PARP15: variants seen among roughly 807,000 people sequenced by gnomAD.
PARP15 encodes poly(ADP-ribose) polymerase family member 15, also known as protein mono-ADP-ribosyltransferase PARP15.
In PARP15, 50 loss-of-function variants were observed where a neutral mutation model predicts 62.1. The observed-to-expected ratio is 0.81, with a 90% CI of 0.64 to 1.02. The LOEUF is 1.02. PARP15 is among the 50% of genes least tolerant of loss of function. PARP15 has a pLI of 0.00. For missense variants in PARP15, 820 were observed against 826.5 expected (o/e 0.99, Z 0.10); for synonymous variants, 309 against 293.1 (o/e 1.05, Z -0.55).
At chr3:122,603,845 T>G (rs1325649660) in intron 1 of PARP15, among the ~76,000 whole-genome samples, 3 of 152,046 alleles carry the variant, frequency 2.0e-5, no homozygotes, top group Non-Finnish European at 4.4e-5. Context: ...GACTGAAAAA[T>G]AATCAAAGAC....
intron 8 of PARP15, among the ~76,000 whole-genome samples, chr3:122,624,804 T>C (rs1400450949): frequency 6.6e-6 from 1 of 152,174 alleles, no homozygotes; most frequent in Non-Finnish European, 1.5e-5. Context: ...TGTGGTTTCT[T>C]TTCTGATTCT....
At chr3:122,601,010 C>T (rs1934742349) in intron 1 of PARP15, among the ~76,000 whole-genome samples, 1 of 133,844 alleles carries the variant, frequency 7.5e-6, no homozygotes, top group Non-Finnish European at 1.5e-5. Context: ...TTGTATAGTT[C>T]CATTGGTTTT....
At chr3:122,602,574 C>G (rs759635795) in intron 1 of PARP15, among the ~76,000 whole-genome samples, 1 of 152,154 alleles carries the variant, frequency 6.6e-6, no homozygotes, top group African/African-American at 2.4e-5. Flanking sequence ...GGAATCTGAC[C>G]TAATTTTATG....
At chr3:122,629,906 T>C (rs1936965648) in intron 9 of PARP15, among the ~76,000 whole-genome samples, 1 of 151,954 alleles carries the variant, frequency 6.6e-6, no homozygotes, top group Admixed American at 6.5e-5. Flanking sequence ...AGAGCTCAGG[T>C]GGTAATGTGA....
chr3:122,628,348 C>A (rs140815209), intron 9 of PARP15, among the ~76,000 whole-genome samples: 6 of 152,066 alleles, frequency 3.9e-5, no homozygotes, highest in African/African-American at 1.4e-4. Flanking sequence ...GGTCACCATC[C>A]GAAGCAATGG....
intron 1 of PARP15, among the ~76,000 whole-genome samples, chr3:122,579,766 G>C (rs937751246): frequency 2.0e-5 from 3 of 151,776 alleles, no homozygotes; most frequent in Non-Finnish European, 4.4e-5. Flanking sequence ...ATCACTTGAG[G>C]TCAGGAGTTC....
chr3:122,631,981 A>G (rs1451281794), intron 9 of PARP15, 105 bp from the exon 10 acceptor site: 2 of 1,293,484 alleles, frequency 1.5e-6, no homozygotes, highest in African/African-American at 3.0e-5. Context: ...CTTCTCCTTT[A>G]AAGACCAGGT....
chr3:122,624,210 T>A (rs1296302476), intron 8 of PARP15, among the ~76,000 whole-genome samples: 1 of 151,998 alleles, frequency 6.6e-6, no homozygotes, highest in African/African-American at 2.4e-5. Flanking sequence ...CTATTTTGAG[T>A]ACCACTAAAC....
rs1937346565 is a variant in PARP15 at position 122,635,991 on chromosome 3, C to G, written c.1928C>G (p.Pro643Arg). The change falls in exon 12 of 12, where the codon CCC (proline) becomes CGC (arginine). Residue 643 changes from proline (P) to arginine (R), a missense_variant. Pro to Arg is a moderately radical substitution (Grantham distance 103). Transcript: ENST00000464300. ...CCTCCACCCAAGAATCCTCACAATC[C>G]CACAGATCTCTTTGACTCAGTGACA... The part of the protein sequence containing the change: ...VTPPPKNPHN[P>R]TDLFDSVTNN... 1 of 1,614,086 alleles carries G rather than the reference C, an allele frequency of 6.2e-7. No homozygotes were observed. The highest frequency in any genetic ancestry group is 8.5e-7 in the Non-Finnish European group (1 of 1,180,020).
At chr3:122,587,927 C>G (rs1302861661) in intron 1 of PARP15, among the ~76,000 whole-genome samples, 2 of 152,132 alleles carry the variant, frequency 1.3e-5, no homozygotes, top group African/African-American at 4.8e-5. Flanking sequence ...CTGTTCACAT[C>G]TTTTGCTCAT....
At chr3:122,582,835 T>G (rs947685243) in intron 1 of PARP15, among the ~76,000 whole-genome samples, 13 of 152,208 alleles carry the variant, frequency 8.5e-5, no homozygotes, top group Non-Finnish European at 1.8e-4. Flanking sequence ...ATTTTGTGTC[T>G]TTCATTCTGC....
intron 10 of PARP15, among the ~76,000 whole-genome samples, chr3:122,633,782 G>C (rs901478067): frequency 6.6e-6 from 1 of 152,178 alleles, no homozygotes; most frequent in African/African-American, 2.4e-5. Flanking sequence ...AGGGATGACT[G>C]TACAAGAAGT....
intron 1 of PARP15, among the ~76,000 whole-genome samples, chr3:122,582,384 C>T (rs555888479): frequency 1.1e-4 from 16 of 152,092 alleles, no homozygotes; most frequent in African/African-American, 3.9e-4. Context: ...ACTATATTGC[C>T]CAGGCTGGTC....
intron 11 of PARP15, among the ~76,000 whole-genome samples, chr3:122,635,609 C>T (rs1434988212): frequency 6.6e-6 from 1 of 151,936 alleles, no homozygotes; most frequent in Non-Finnish European, 1.5e-5. Context: ...GAAGGGGTCT[C>T]ATAATGCTAG....
rs113798177 is a variant in PARP15, at chr3:122,628,232, G to A, written c.1438+1199G>A. On this transcript the variant is annotated intron_variant, in intron 9 of 11. Transcript: ENST00000464300. Reference sequence around the variant, plus strand: ...GCCAGGGAACAGAGCTCTTTTAAGCGCTGAGAGTCTTTCTGATTGGACCAT... The same window carrying A: ...GCCAGGGAACAGAGCTCTTTTAAGCACTGAGAGTCTTTCTGATTGGACCAT... Among the ~76,000 whole-genome samples, 218 of 152,264 alleles carry A rather than the reference G, an allele frequency of 1.4e-3. 3 individuals carry two copies. Among genetic ancestry groups the A allele is most frequent in the African/African-American group, 5.0e-3 (207 of 41,552 alleles).
Position 122,638,951 on chromosome 3 carries a change from T to A in PARP15, c.*2851T>A, listed in dbSNP as rs901308408. ...TATGTATATAGAATTATAAAGTTTT[T>A]AAAAATGTAATCATCATTATTTATA... On this transcript the variant is annotated 3_prime_UTR_variant, in exon 12 of 12. Coordinates refer to ENST00000464300, the MANE Select transcript of PARP15 (RefSeq NM_001113523.3). 9.2e-5 allele frequency: 14 copies of A among 152,212 alleles called. No individual in the cohort carries two copies. Among genetic ancestry groups the A allele is most frequent in the African/African-American group, 2.4e-4 (10 of 41,454 alleles). 9.4% of individuals were successfully genotyped at this position (152,212 alleles called of 1,614,324 possible). A position where few individuals can be genotyped will look rare whatever the true frequency, so the allele number is the denominator to read the frequency against.
In PARP15 at chr3:122,636,117, A is replaced by C; in HGVS notation, c.*17A>C. 6.3e-7 allele frequency: 1 copy of C among 1,594,908 alleles called. No individual in the cohort carries two copies. The highest frequency in any genetic ancestry group is 8.6e-7 in the Non-Finnish European group (1 of 1,166,366). ...ACGGCTTAAAAATATTTTTATCATC[A>C]AAGAGATGATTTAAGTCATCTGTAA... On this transcript the variant is annotated 3_prime_UTR_variant, in exon 12 of 12. Transcript: ENST00000464300.
intron 10 of PARP15, among the ~76,000 whole-genome samples, chr3:122,634,017 T>C (rs1328334610): frequency 6.6e-6 from 1 of 152,124 alleles, no homozygotes; most frequent in Non-Finnish European, 1.5e-5. Context: ...ACATTCCCCA[T>C]TGCAAACCTT....
In PARP15 at chr3:122,595,179, T is replaced by TC. The variant is rs372860645; in HGVS notation, c.187-10756dup. ...CTAGCTAAAGGAATTGTTTTTTTTT[T>TC]CGCAGTAACAAAACAAAAGCTTCCC... On this transcript the variant is annotated intron_variant, in intron 1 of 11. Coordinates refer to ENST00000464300, the MANE Select transcript of PARP15 (RefSeq NM_001113523.3). Among the ~76,000 whole-genome samples the TC allele has an allele frequency of 7.8e-4, 119 of 151,744 alleles. 1 individual carries two copies. Among genetic ancestry groups the TC allele is most frequent in the East Asian group, 2.3e-3 (12 of 5,166 alleles).
Sources: gnomAD v4.1 joint callset for allele counts (sites outside exome capture counted in the v4.1 genomes callset) on GRCh38, gnomAD v4.1.1 for gene constraint, MANE v1.5 for transcripts, NCBI Gene and HGNC (gene_info 2026-07-23, HGNC 2026-07-21) for gene names.